The following C2CD2 variants were observed in gnomAD, a reference collection of about 807,000 sequenced individuals.
The protein encoded by C2CD2 is C2 calcium dependent domain containing 2.
A neutral mutation model predicts 74.3 loss-of-function variants in C2CD2; 43 were observed. The ratio of observed to expected loss-of-function variants is 0.58; its 90% confidence interval spans 0.45 to 0.75. The LOEUF is 0.75. C2CD2 is among the 30% of genes least tolerant of loss of function. C2CD2 has a pLI of 0.00. For synonymous variants in C2CD2, 422 were observed against 390.7 expected (o/e 1.08, Z -0.94); for missense variants, 801 against 916.3 (o/e 0.87, Z 1.63).
Position 41,923,970 on chromosome 21 carries a change from G to T in C2CD2, c.379-1885C>A, listed in dbSNP as rs2065182717. On this transcript the variant is annotated intron_variant, in intron 2 of 13. Transcript: ENST00000380486. This position sits in a 1 kb window ranked among gnomAD's most constrained non-coding sequence, Gnocchi z 5.8. The stretch of plus-strand genomic sequence containing the variant: ...GCAGGCACAAGGGGGTTCCGTAGGT[G>T]GCCAGTGTTTGGCCAAAAAGCAAAG... Among the ~76,000 whole-genome samples the T allele has an allele frequency of 6.6e-6, 1 of 152,180 alleles. No homozygotes were observed. The highest frequency in any genetic ancestry group is 2.4e-5 in the African/African-American group (1 of 41,448).
intron 3 of C2CD2, 95 bp downstream of exon 3, chr21:41,921,877 G>T: frequency 1.4e-6 from 1 of 722,222 alleles, no homozygotes; most frequent in East Asian, 2.6e-5. Flanking sequence ...ATAAAAACAT[G>T]AACGTTACAG....
At chr21:41,897,860 G>A (rs916074825) in intron 13 of C2CD2, among the ~76,000 whole-genome samples, 1 of 152,218 alleles carries the variant, frequency 6.6e-6, no homozygotes, top group African/African-American at 2.4e-5. Flanking sequence ...ATGCTGCACT[G>A]TGAGGCTGCC....
chr21:41,890,695 T>C (rs946915480), intron 13 of C2CD2, among the ~76,000 whole-genome samples: 3 of 152,226 alleles, frequency 2.0e-5, no homozygotes, highest in Admixed American at 6.5e-5. Context: ...CCACGACATA[T>C]GCAAATCGCC....
rs968534730 is a variant in C2CD2 at position 41,892,392 on chromosome 21, G to C, written c.1871-3048C>G. On this transcript the variant is annotated intron_variant, in intron 13 of 13. Transcript: ENST00000380486. This position sits in a 1 kb window ranked among gnomAD's most constrained non-coding sequence, Gnocchi z 4.6. ...AGAACAGGGAAAGAATTGGCTCCTG[G>C]TGTTGCAAACACCCAGTTTGTGGTA... 6.6e-6 allele frequency among the ~76,000 whole-genome samples: 1 copy of C among 152,164 alleles called. No homozygotes were observed. The highest frequency in any genetic ancestry group is 1.5e-5 in the Non-Finnish European group (1 of 68,020).
At chr21:41,910,926 T>C (rs1036164805) in intron 7 of C2CD2, among the ~76,000 whole-genome samples, 1 of 152,212 alleles carries the variant, frequency 6.6e-6, no homozygotes, top group South Asian at 2.1e-4. Flanking sequence ...CAAGCAATGA[T>C]TGGTCTTGCC....
chr21:41,916,662 A>G (rs960795333), intron 5 of C2CD2, among the ~76,000 whole-genome samples: 2 of 86,872 alleles, frequency 2.3e-5, no homozygotes, highest in Non-Finnish European at 4.6e-5. Context: ...GTGTGAGCTG[A>G]TTACACACAC....
chr21:41,934,787 A>G (rs1193489126), intron 2 of C2CD2, among the ~76,000 whole-genome samples: 1 of 151,998 alleles, frequency 6.6e-6, no homozygotes, highest in Non-Finnish European at 1.5e-5. Flanking sequence ...ACAGAGGAAG[A>G]GAAAGAACGG....
chr21:41,906,427 G>A (rs1163778094), intron 10 of C2CD2, among the ~76,000 whole-genome samples: 1 of 152,176 alleles, frequency 6.6e-6, no homozygotes, highest in Non-Finnish European at 1.5e-5. Flanking sequence ...GTGCAATGGT[G>A]TGATCTCAGC....
chr21:41,899,207 G>A lies in C2CD2; in HGVS notation c.1716C>T (p.Pro572=), dbSNP rs1159264114. The A allele has an allele frequency of 1.2e-6, 2 of 1,612,290 alleles. No individual in the cohort carries two copies. The highest frequency in any genetic ancestry group is 2.2e-5 in the East Asian group (1 of 44,854). The change falls in exon 13 of 14, where the codon CCC becomes CCT. Residue 572 remains proline (P), a synonymous_variant. Transcript: ENST00000380486. This position sits in a 1 kb window ranked among gnomAD's most constrained non-coding sequence, Gnocchi z 4.4. ...EAESAQASLA[P]KPQEDELDSW... Reference sequence around the variant, plus strand: ...AGTCTAGCTCGTCCTCCTGGGGCTTGGGGGCAAGGGATGCCTGGGCTGACT... The same window carrying A: ...AGTCTAGCTCGTCCTCCTGGGGCTTAGGGGCAAGGGATGCCTGGGCTGACT...
chr21:41,915,731 C>G (rs1278834896), intron 5 of C2CD2, among the ~76,000 whole-genome samples: 1 of 152,228 alleles, frequency 6.6e-6, no homozygotes, highest in African/African-American at 2.4e-5. Flanking sequence ...TGAGCCACCA[C>G]GCCTGGCCAA....
intron 5 of C2CD2, among the ~76,000 whole-genome samples, chr21:41,916,775 T>C (rs1256106140): frequency 6.6e-6 from 1 of 152,078 alleles, no homozygotes. Flanking sequence ...TTTGATTAAA[T>C]AAACTGTACA....
chr21:41,912,070 T>C (rs1273773472), intron 7 of C2CD2: 4 of 349,834 alleles, frequency 1.1e-5, no homozygotes, highest in African/African-American at 4.2e-5. Context: ...CCCTGGATGA[T>C]ATGTGTGTCT....
At chr21:41,930,720 AAAG>A (rs1194695705) in intron 2 of C2CD2, among the ~76,000 whole-genome samples, 1 of 149,812 alleles carries the variant, frequency 6.7e-6, no homozygotes, top group Admixed American at 6.7e-5. Context: ...ACAAAAAAAA[AAAG>A]AAAGAAAGAA....
chr21:41,912,153 T>C, intron 7 of C2CD2, 179 bp downstream of exon 7: 1 of 545,288 alleles, frequency 1.8e-6, no homozygotes, highest in South Asian at 2.4e-5. Context: ...AGAGCTGCCT[T>C]TACAACAAAA....
At chr21:41,901,585 G>A in intron 12 of C2CD2, 37 bp downstream of exon 12, 2 of 1,611,120 alleles carry the variant, frequency 1.2e-6, no homozygotes, top group Non-Finnish European at 8.5e-7. Context: ...ACTGACAGAT[G>A]ACCAGATGAA....
At chr21:41,915,733 C>T (rs548173282) in intron 5 of C2CD2, among the ~76,000 whole-genome samples, 15 of 152,324 alleles carry the variant, frequency 9.8e-5, no homozygotes, top group Non-Finnish European at 1.8e-4. Flanking sequence ...AGCCACCACG[C>T]CTGGCCAAGA....
intron 8 of C2CD2, 114 bp downstream of exon 8, chr21:41,909,345 G>C: frequency 1.5e-6 from 1 of 679,202 alleles, no homozygotes; most frequent in South Asian, 1.8e-5. Context: ...AAGTCATTTA[G>C]AGGAGGGGTC....
intron 8 of C2CD2, 24 bp from the exon 9 acceptor site, chr21:41,907,808 G>T: frequency 6.2e-7 from 1 of 1,613,708 alleles, no homozygotes. Context: ...AGACAGGCAA[G>T]GGGTGCCGCT....
At position 41,886,009 on chromosome 21, in the gene C2CD2, C is replaced by T. The variant is rs139918700; in HGVS notation, c.*3115G>A. Reference sequence around the variant, plus strand: ...TTTTTGTTATTGCTACAATAACACACGCGTGTGTGCAAACACACATAACAC... The same window carrying T: ...TTTTTGTTATTGCTACAATAACACATGCGTGTGTGCAAACACACATAACAC... On this transcript the variant is annotated 3_prime_UTR_variant, in exon 14 of 14. Transcript: ENST00000380486. 1.1e-3 allele frequency: 167 copies of T among 152,448 alleles called. No individual in the cohort carries two copies. Among genetic ancestry groups the T allele is most frequent in the Non-Finnish European group, 1.6e-3 (112 of 68,034 alleles). 9.4% of individuals were successfully genotyped at this position (152,448 alleles called of 1,614,324 possible).
Sources: allele counts gnomAD v4.1 joint callset (sites outside exome capture counted in the v4.1 genomes callset), GRCh38; gene constraint gnomAD v4.1.1; non-coding constraint Gnocchi (gnomAD v3.1); transcripts MANE v1.5; gene names NCBI Gene and HGNC (gene_info 2026-07-23, HGNC 2026-07-21).